SPAG16: variants seen among roughly 807,000 people sequenced by gnomAD.
SPAG16 encodes sperm associated antigen 16.
Under a neutral mutation model 80.4 loss-of-function variants are expected in SPAG16, and 86 were observed. The observed-to-expected ratio is 1.07, with a 90% CI of 0.90 to 1.28. SPAG16 has a LOEUF of 1.28. SPAG16 is among the 50% of genes most tolerant of loss of function. SPAG16 has a pLI of 0.00. For synonymous variants in SPAG16, 294 were observed against 265.9 expected, an observed-to-expected ratio of 1.11 and a Z score of -1.03; for missense variants, 870 against 765.3, an observed-to-expected ratio of 1.14 and a Z score of -1.61.
intron 10 of SPAG16, among the ~76,000 whole-genome samples, chr2:213,789,173 A>C (rs2070531930): frequency 6.6e-6 from 1 of 151,974 alleles, no homozygotes; most frequent in Non-Finnish European, 1.5e-5. Context: ...CCTTTCAATA[A>C]GTGTACTCAT....
At chr2:213,468,569 A>G (rs1001236204) in intron 9 of SPAG16, among the ~76,000 whole-genome samples, 1 of 143,750 alleles carries the variant, frequency 7.0e-6, no homozygotes, top group South Asian at 2.1e-4. Context: ...AGAGATATAT[A>G]TATCTATGTA....
At chr2:214,077,214 A>G (rs1444662184) in intron 13 of SPAG16, among the ~76,000 whole-genome samples, 1 of 152,216 alleles carries the variant, frequency 6.6e-6, no homozygotes, top group Non-Finnish European at 1.5e-5. Context: ...TAGGGGCAAG[A>G]ATATAACTGT....
chr2:213,974,041 T>G (rs2045227967), intron 12 of SPAG16, among the ~76,000 whole-genome samples: 1 of 152,038 alleles, frequency 6.6e-6, no homozygotes, highest in African/African-American at 2.4e-5. Context: ...AAGGTGGACT[T>G]TGTAGCTTAA....
intron 10 of SPAG16, among the ~76,000 whole-genome samples, chr2:213,634,864 G>C (rs1411100898): frequency 1.3e-5 from 2 of 151,692 alleles, no homozygotes; most frequent in Non-Finnish European, 2.9e-5. Flanking sequence ...TTGGTTTTCC[G>C]CTCCTGAGTA....
At chr2:213,907,845 C>G (rs1412653413) in intron 11 of SPAG16, among the ~76,000 whole-genome samples, 1 of 151,954 alleles carries the variant, frequency 6.6e-6, no homozygotes, top group Non-Finnish European at 1.5e-5. Context: ...AAATAGGGAG[C>G]AGAATTATGG....
At chr2:213,985,937 G>C (rs78036959) in intron 12 of SPAG16, among the ~76,000 whole-genome samples, 2 of 151,982 alleles carry the variant, frequency 1.3e-5, no homozygotes, top group African/African-American at 4.8e-5. Context: ...CTATGTCATG[G>C]ATACTGATAA....
At chr2:213,416,731 T>C (rs1444161035) in intron 9 of SPAG16, among the ~76,000 whole-genome samples, 1 of 152,258 alleles carries the variant, frequency 6.6e-6, no homozygotes, top group East Asian at 1.9e-4. Flanking sequence ...AGATGGTCAG[T>C]TGGATCCAGC....
intron 11 of SPAG16, among the ~76,000 whole-genome samples, chr2:213,919,194 A>T (rs761788503): frequency 6.6e-6 from 1 of 151,406 alleles, no homozygotes; most frequent in African/African-American, 2.4e-5. Context: ...GGGTCAGTTT[A>T]ATCTTGGTTT....
At chr2:213,340,412 A>G (rs1222893531) in intron 6 of SPAG16, 142 bp downstream of exon 6, 1 of 638,044 alleles carries the variant, frequency 1.6e-6, no homozygotes, top group Non-Finnish European at 2.8e-6. Flanking sequence ...CTTGCTGTCA[A>G]GGGTCTCAGA....
At chr2:213,896,215 A>G (rs191639863) in intron 11 of SPAG16, among the ~76,000 whole-genome samples, 74 of 152,250 alleles carry the variant, frequency 4.9e-4, no homozygotes, top group African/African-American at 1.7e-3. Flanking sequence ...ACTAATCATC[A>G]GAGAAACACA....
intron 9 of SPAG16, among the ~76,000 whole-genome samples, chr2:213,439,282 AG>A (rs112582355): frequency 0.023 from 3,532 of 152,330 alleles, 57 homozygotes; most frequent in South Asian, 0.038. Flanking sequence ...TATCTTAAAA[AG>A]GGGAGCGGCT....
Position 213,971,054 on chromosome 2 carries a change from T to A in SPAG16, c.1400+40909T>A, listed in dbSNP as rs190287648. Reference sequence around the variant, plus strand: ...GTTTTATTTCATTTTTCATTTCAATTTAAATGTAATCAACCAATAATGACC... The same window carrying A: ...GTTTTATTTCATTTTTCATTTCAATATAAATGTAATCAACCAATAATGACC... On this transcript the variant is annotated intron_variant, in intron 12 of 15. Transcript: ENST00000331683. Among the ~76,000 whole-genome samples the A allele has an allele frequency of 3.5e-3, 540 of 152,320 alleles. 4 individuals are homozygous for A. Among genetic ancestry groups the A allele is most frequent in the Non-Finnish European group, 4.5e-3 (305 of 68,012 alleles).
In SPAG16 at chr2:213,404,430, C is replaced by T. The variant is rs1352992957; in HGVS notation, c.942+29311C>T. Reference sequence around the variant, plus strand: ...ATATCTACAACTATCTGATCTTTGACAAACCTGACAAAAACAAGCAATGGG... The same window carrying T: ...ATATCTACAACTATCTGATCTTTGATAAACCTGACAAAAACAAGCAATGGG... On this transcript the variant is annotated intron_variant, in intron 9 of 15. Coordinates refer to ENST00000331683, the MANE Select transcript of SPAG16 (RefSeq NM_024532.5). Among the ~76,000 whole-genome samples the T allele has an allele frequency of 5.3e-5, 8 of 152,220 alleles. No individual in the cohort carries two copies. The South Asian group carries it at 1.0e-3, about 20-fold the overall frequency.
chr2:214,055,173 G>C (rs1324938805), intron 13 of SPAG16, among the ~76,000 whole-genome samples: 1 of 151,980 alleles, frequency 6.6e-6, no homozygotes, highest in Non-Finnish European at 1.5e-5. Context: ...TAAAGATCCA[G>C]GAAAAACTCA....
At chr2:213,713,030 G>A (rs919661451) in intron 10 of SPAG16, among the ~76,000 whole-genome samples, 7 of 152,108 alleles carry the variant, frequency 4.6e-5, no homozygotes, top group African/African-American at 9.7e-5. Flanking sequence ...TTCACAGGGC[G>A]GCAGGAGAGA....
chr2:213,507,390 A>G (rs879634729), intron 10 of SPAG16, among the ~76,000 whole-genome samples: 85 of 152,346 alleles, frequency 5.6e-4, no homozygotes, highest in African/African-American at 1.9e-3. Context: ...TTATTTGGCA[A>G]TATTCATCAA....
intron 7 of SPAG16, among the ~76,000 whole-genome samples, chr2:213,355,687 A>G (rs1237015058): frequency 1.3e-5 from 2 of 152,128 alleles, no homozygotes; most frequent in Non-Finnish European, 2.9e-5. Context: ...GTGTATAGGA[A>G]TGCTTGTGAT....
At chr2:213,734,348 T>C (rs887562284) in intron 10 of SPAG16, among the ~76,000 whole-genome samples, 10 of 152,188 alleles carry the variant, frequency 6.6e-5, no homozygotes, top group Non-Finnish European at 1.0e-4. Context: ...AAACTAACAC[T>C]CTTCTCTCCC....
chr2:213,813,771 C>T (rs1332382095), intron 10 of SPAG16, among the ~76,000 whole-genome samples: 1 of 152,102 alleles, frequency 6.6e-6, no homozygotes, highest in Non-Finnish European at 1.5e-5. Context: ...TGCAAATGGA[C>T]TCCCATGAGA....
Sources: allele counts gnomAD v4.1 joint callset (sites outside exome capture counted in the v4.1 genomes callset), GRCh38; gene constraint gnomAD v4.1.1; transcripts MANE v1.5; gene names NCBI Gene and HGNC (gene_info 2026-07-23, HGNC 2026-07-21).